Variants in TRHDE observed in about 807,000 individuals in gnomAD.
TRHDE encodes the protein thyrotropin releasing hormone degrading enzyme, also known as thyrotropin-releasing hormone-degrading ectoenzyme.
In TRHDE, 72 loss-of-function variants were observed where a neutral mutation model predicts 125.7. The ratio of observed to expected loss-of-function variants is 0.57; its 90% confidence interval spans 0.47 to 0.70. TRHDE has a LOEUF of 0.70. Ranked by LOEUF, TRHDE falls within the 30% of genes least tolerant of loss-of-function variation. TRHDE has a pLI of 0.00. For synonymous variants in TRHDE, 509 were observed against 509.1 expected (o/e 1.00, Z 0.00); for missense variants, 1,110 against 1,327.1 (o/e 0.84, Z 2.54).
chr12:72,654,912 CT>C (rs1477919346), intron 17 of TRHDE, among the ~76,000 whole-genome samples: 1 of 152,126 alleles, frequency 6.6e-6, no homozygotes, highest in East Asian at 1.9e-4. Context: ...TCCCAAGAAC[CT>C]TTCAGAAAAG....
At chr12:72,200,707 G>A (rs1248248903) in intron 2 of TRHDE, among the ~76,000 whole-genome samples, 2 of 152,158 alleles carry the variant, frequency 1.3e-5, no homozygotes, top group African/African-American at 4.8e-5. Context: ...AGGCAGTCTT[G>A]CAAATTTGCA....
At chr12:72,480,435 G>T (rs1877116215) in intron 5 of TRHDE, among the ~76,000 whole-genome samples, 2 of 152,006 alleles carry the variant, frequency 1.3e-5, no homozygotes, top group South Asian at 4.1e-4. Flanking sequence ...ATTTTTTAAA[G>T]GATGATTGTT....
At chr12:72,419,869 T>C (rs991464420) in intron 3 of TRHDE, among the ~76,000 whole-genome samples, 4 of 152,220 alleles carry the variant, frequency 2.6e-5, no homozygotes, top group African/African-American at 9.6e-5. Flanking sequence ...CAAGATGAAT[T>C]GTATCCCAGT....
At chr12:72,391,890 G>A (rs967938365) in intron 3 of TRHDE, among the ~76,000 whole-genome samples, 26 of 152,116 alleles carry the variant, frequency 1.7e-4, no homozygotes, top group African/African-American at 6.3e-4. Context: ...TTTATATGTT[G>A]AAGCGCTAAA....
At chr12:72,556,564 A>G (rs1341992650) in intron 7 of TRHDE, among the ~76,000 whole-genome samples, 1 of 152,242 alleles carries the variant, frequency 6.6e-6, no homozygotes, top group Non-Finnish European at 1.5e-5. Context: ...GTCTGAGGCC[A>G]GAGCACATGC....
At chr12:72,564,215 A>T (rs1870320694) in intron 9 of TRHDE, among the ~76,000 whole-genome samples, 1 of 151,966 alleles carries the variant, frequency 6.6e-6, no homozygotes, top group African/African-American at 2.4e-5. Context: ...ACCCTGCCAC[A>T]CTCTCACCAC....
intron 2 of TRHDE, among the ~76,000 whole-genome samples, chr12:72,215,181 T>A (rs1017778914): frequency 7.8e-6 from 1 of 128,846 alleles, no homozygotes; most frequent in African/African-American, 2.9e-5. Flanking sequence ...AAAGGGGGTT[T>A]GTTCTCTGGC....
chr12:72,318,335 G>T (rs1466466943), intron 2 of TRHDE, among the ~76,000 whole-genome samples: 2 of 152,126 alleles, frequency 1.3e-5, no homozygotes, highest in Non-Finnish European at 2.9e-5. Flanking sequence ...GTATCTAGAA[G>T]GAAGGCAGAT....
At chr12:72,311,349 A>C (rs1357084525) in intron 2 of TRHDE, among the ~76,000 whole-genome samples, 2 of 152,186 alleles carry the variant, frequency 1.3e-5, no homozygotes, top group Admixed American at 6.5e-5. Context: ...ATGTATGAAC[A>C]TATCAGTGTA....
At chr12:72,493,741 C>T (rs1877785608) in intron 5 of TRHDE, among the ~76,000 whole-genome samples, 1 of 151,984 alleles carries the variant, frequency 6.6e-6, no homozygotes, top group Admixed American at 6.6e-5. Flanking sequence ...TGTAGTCCCC[C>T]AAACGAACCA....
At chr12:72,368,817 C>T (rs895552333) in intron 2 of TRHDE, among the ~76,000 whole-genome samples, 1 of 152,134 alleles carries the variant, frequency 6.6e-6, no homozygotes, top group African/African-American at 2.4e-5. Context: ...AAGTTCTCTT[C>T]CATTTTGACA....
Position 72,662,949 on chromosome 12 carries a change from T to C in TRHDE, c.3067-103T>C, listed in dbSNP as rs1248639490. 5 of 1,246,878 alleles carry C rather than the reference T, an allele frequency of 4.0e-6. No individual in the cohort carries two copies. The African/African-American group carries it at 7.6e-5, about 19-fold the overall frequency. The allele number at this position is 1,246,878 out of a possible 1,614,324, so 77.2% of individuals were successfully genotyped here. ...AGTGGTCATGGCATTTTGTTTCAAA[T>C]ATATTGTTTTTTAATGTTTCAAATA... On this transcript the variant is annotated intron_variant, in intron 18 of 18. Coordinates refer to ENST00000261180, the MANE Select transcript of TRHDE (RefSeq NM_013381.3).
chr12:72,131,871 G>A (rs1875874552), intron 2 of TRHDE, among the ~76,000 whole-genome samples: 3 of 152,226 alleles, frequency 2.0e-5, no homozygotes, highest in South Asian at 4.1e-4. Flanking sequence ...GCAAGGAGGG[G>A]AAGCATGTTC....
At chr12:72,228,233 C>T (rs1878175227) in intron 2 of TRHDE, among the ~76,000 whole-genome samples, 1 of 152,218 alleles carries the variant, frequency 6.6e-6, no homozygotes, top group South Asian at 2.1e-4. Context: ...TCTGGACAGC[C>T]AGGCATTTCC....
chr12:72,544,949 G>A (rs1869343510), intron 7 of TRHDE, among the ~76,000 whole-genome samples: 1 of 151,336 alleles, frequency 6.6e-6, no homozygotes, highest in African/African-American at 2.4e-5. Context: ...TTTTCAGCAG[G>A]AAGAGACTCT....
intron 15 of TRHDE, among the ~76,000 whole-genome samples, chr12:72,649,194 T>A (rs941038087): frequency 6.6e-6 from 1 of 151,924 alleles, no homozygotes; most frequent in African/African-American, 2.4e-5. Context: ...AAGACCAACA[T>A]ATACACCAAT....
chr12:72,565,303 A>G (rs943860564), intron 9 of TRHDE, among the ~76,000 whole-genome samples: 3 of 152,148 alleles, frequency 2.0e-5, no homozygotes, highest in Admixed American at 2.0e-4. Context: ...TTGTCTTTTC[A>G]TTTTTCTAAG....
Position 72,273,250 on chromosome 12 carries a change from A to C in TRHDE, c.607A>C (p.Met203Leu). 6.2e-7 allele frequency: 1 copy of C among 1,613,998 alleles called. No individual in the cohort carries two copies. The highest frequency in any genetic ancestry group is 1.3e-5 in the African/African-American group (1 of 75,062). The stretch of plus-strand genomic sequence containing the variant: ...CTACAATCTGATGCTCACCGCCTTC[A>C]TGGAGAACTTCACCTTCTCCGGGGA... Reference protein sequence around the residue: ...LHYNLMLTAFMENFTFSGEVN... With the variant: ...LHYNLMLTAFLENFTFSGEVN... The change falls in exon 1 of 19, where the codon ATG becomes CTG. Residue 203 changes from methionine (M) to leucine (L), a missense_variant. Met to Leu is a conservative substitution (Grantham distance 15). Coordinates refer to ENST00000261180, the MANE Select transcript of TRHDE (RefSeq NM_013381.3). The surrounding 1 kb of genome is among the most constrained non-coding windows in gnomAD (Gnocchi z 5.3).
intron 3 of TRHDE, among the ~76,000 whole-genome samples, chr12:72,406,264 A>G (rs1873262245): frequency 6.6e-6 from 1 of 152,182 alleles, no homozygotes; most frequent in South Asian, 2.1e-4. Context: ...CTTTTGATTT[A>G]TGAGAATTAG....
Sources: allele counts gnomAD v4.1 joint callset (sites outside exome capture counted in the v4.1 genomes callset), GRCh38; gene constraint gnomAD v4.1.1; non-coding constraint Gnocchi (gnomAD v3.1); transcripts MANE v1.5; gene names NCBI Gene and HGNC (gene_info 2026-07-23, HGNC 2026-07-21).